Variants in B4GALT6 observed in about 807,000 individuals in gnomAD.
B4GALT6 encodes the protein beta-1,4-galactosyltransferase 6.
A neutral mutation model predicts 46.3 loss-of-function variants in B4GALT6; 14 were observed. That is an observed-to-expected ratio of 0.30 (90% CI 0.20 to 0.47). The LOEUF (loss-of-function observed/expected upper bound fraction) is 0.47. Among genes scored for constraint, B4GALT6 ranks in the 20% least tolerant of loss-of-function variants. The probability of loss-of-function intolerance (pLI) is 0.99; values close to 1 mark genes in which losing one functional copy is unlikely to be tolerated. For missense variants in B4GALT6, 386 were observed against 480.1 expected (o/e 0.80, Z 1.83); for synonymous variants, 168 against 162.0 (o/e 1.04, Z -0.28).
In B4GALT6 at chr18:31,655,900, A is replaced by ATT. The variant is rs34265884; in HGVS notation, c.346+2074_346+2075dup. ...ACAGCAAGATTAGAATCACCTGAGAATTTTTTTTTTCTTAAATACCAGGGA... is the reference window on the plus strand; with the variant it reads ...ACAGCAAGATTAGAATCACCTGAGAATTTTTTTTTTTTCTTAAATACCAGGGA... On this transcript the variant is annotated intron_variant, in intron 3 of 8. Transcript: ENST00000306851. Among the ~76,000 whole-genome samples the ATT allele has an allele frequency of 9.3e-3, 1,399 of 151,042 alleles. 19 individuals carry two copies. Among genetic ancestry groups the ATT allele is most frequent in the African/African-American group, 0.032 (1,318 of 41,142 alleles).
chr18:31,671,745 C>A (rs1031162485), intron 1 of B4GALT6, among the ~76,000 whole-genome samples: 9 of 152,090 alleles, frequency 5.9e-5, no homozygotes, highest in Non-Finnish European at 7.4e-5. Flanking sequence ...TTATAAGAAA[C>A]CCTCATTTCA....
chr18:31,709,512 C>A, the B4GALT6 span, among the ~76,000 whole-genome samples: 1 of 137,770 alleles, frequency 7.3e-6, no homozygotes, highest in Non-Finnish European at 1.5e-5. Flanking sequence ...ATCCAATGTA[C>A]CTTGGATGAG....
chr18:31,712,080 G>A, the B4GALT6 span, among the ~76,000 whole-genome samples: 1 of 152,018 alleles, frequency 6.6e-6, no homozygotes, highest in South Asian at 2.1e-4. Context: ...GATATCCTAA[G>A]AGGATTGTAG....
At chr18:31,667,922 C>T (rs547357709) in intron 1 of B4GALT6, among the ~76,000 whole-genome samples, 2 of 152,014 alleles carry the variant, frequency 1.3e-5, no homozygotes, top group South Asian at 4.2e-4. Context: ...TGGTGAAACC[C>T]CATCTCTACT....
chr18:31,688,262 T>TATATATATATATATATAC (rs1555643347), upstream of B4GALT6, among the ~76,000 whole-genome samples: 9 of 116,834 alleles, frequency 7.7e-5, no homozygotes, highest in East Asian at 8.2e-4. Context: ...TATATATACA[T>TATATATATATATATATAC]ATATATATAT....
the B4GALT6 span, among the ~76,000 whole-genome samples, chr18:31,697,594 A>G: frequency 6.6e-6 from 1 of 152,200 alleles, no homozygotes; most frequent in Non-Finnish European, 1.5e-5. Flanking sequence ...GGGAACTATT[A>G]TCATCCTTGC....
chr18:31,652,115 G>A (rs1186192957), intron 3 of B4GALT6, among the ~76,000 whole-genome samples: 3 of 151,950 alleles, frequency 2.0e-5, no homozygotes, highest in Non-Finnish European at 2.9e-5. Context: ...ACATGCTCAA[G>A]TCCATCTCTT....
chr18:31,680,220 G>A (rs2074464316), intron 1 of B4GALT6, among the ~76,000 whole-genome samples: 1 of 152,148 alleles, frequency 6.6e-6, no homozygotes, highest in Middle Eastern at 3.2e-3. Context: ...ACTATTAACA[G>A]CTCCAAAGAA....
At chr18:31,674,642 T>G (rs1567982392) in intron 1 of B4GALT6, among the ~76,000 whole-genome samples, 1 of 152,192 alleles carries the variant, frequency 6.6e-6, no homozygotes, top group Non-Finnish European at 1.5e-5. Context: ...TTTTCTTCTT[T>G]CCACATCTAG....
rs555108697 is a variant in B4GALT6 at position 31,651,274 on chromosome 18, A to C, written c.347-5795T>G. Among the ~76,000 whole-genome samples, 16 of 152,296 alleles carry C rather than the reference A, an allele frequency of 1.1e-4. No homozygotes were observed. In the South Asian group the frequency reaches 2.9e-3, roughly 28 times the overall value. On this transcript the variant is annotated intron_variant, in intron 3 of 8. Transcript: ENST00000306851. The stretch of plus-strand genomic sequence containing the variant: ...TTTACCTAATAAACAGCACTAAAGA[A>C]AGCACGTAAGCATATAGATTAATCC...
At chr18:31,684,841 G>T, upstream of B4GALT6, 1 of 889,444 alleles carries the variant, frequency 1.1e-6, no homozygotes, top group Non-Finnish European at 1.3e-6. Flanking sequence ...GCTAACTGCA[G>T]CACGCCCGGC....
At position 31,638,635 on chromosome 18, in the gene B4GALT6, T is replaced by TA. The variant is rs778674527; in HGVS notation, c.588+8dup. 1.5e-5 allele frequency: 23 copies of TA among 1,585,724 alleles called. No individual in the cohort carries two copies. In the South Asian group the frequency reaches 2.1e-4, roughly 14 times the overall value. ...TATACTTAGTGACCACTATGAAAAG[T>TA]ATTCTCACCTGTTCAATGACATAAA... On this transcript the variant is annotated intron_variant, in intron 5 of 8. Coordinates refer to ENST00000306851, the MANE Select transcript of B4GALT6 (RefSeq NM_004775.5).
At chr18:31,662,285 C>A (rs2074226807) in intron 2 of B4GALT6, among the ~76,000 whole-genome samples, 1 of 152,168 alleles carries the variant, frequency 6.6e-6, no homozygotes. Context: ...CAACTCACTG[C>A]CAGACTTAGA....
intron 3 of B4GALT6, among the ~76,000 whole-genome samples, chr18:31,656,472 A>G (rs913233121): frequency 7.2e-5 from 11 of 152,100 alleles, no homozygotes; most frequent in African/African-American, 2.7e-4. Flanking sequence ...TTGACAGTAC[A>G]GTATAGTGTT....
intron 5 of B4GALT6, among the ~76,000 whole-genome samples, chr18:31,633,219 C>T (rs1217746325): frequency 6.6e-6 from 1 of 152,026 alleles, no homozygotes; most frequent in South Asian, 2.1e-4. Context: ...CCCAGTATCC[C>T]TCATCCTTTG....
the B4GALT6 span, among the ~76,000 whole-genome samples, chr18:31,716,912 C>G: frequency 6.6e-6 from 1 of 152,094 alleles, no homozygotes; most frequent in South Asian, 2.1e-4. Flanking sequence ...CCAGCCCGGC[C>G]AACATGGTGA....
At chr18:31,720,880 C>T in the B4GALT6 span, among the ~76,000 whole-genome samples, 1 of 152,114 alleles carries the variant, frequency 6.6e-6, no homozygotes. Context: ...GCTTTGGAGA[C>T]CGTAGGCACA....
chr18:31,707,874 T>C, the B4GALT6 span, among the ~76,000 whole-genome samples: 2 of 152,238 alleles, frequency 1.3e-5, no homozygotes, highest in African/African-American at 4.8e-5. Context: ...TATAATTGCA[T>C]GTATATGTTA....
chr18:31,702,784 C>G, the B4GALT6 span, among the ~76,000 whole-genome samples: 1 of 152,206 alleles, frequency 6.6e-6, no homozygotes, highest in African/African-American at 2.4e-5. Context: ...CTTCGCTCAT[C>G]TTCCAACATG....
Sources: allele counts gnomAD v4.1 joint callset (sites outside exome capture counted in the v4.1 genomes callset), GRCh38; gene constraint gnomAD v4.1.1; transcripts MANE v1.5; gene names NCBI Gene and HGNC (gene_info 2026-07-23, HGNC 2026-07-21).